Variants in C1orf94 observed in about 807,000 individuals in gnomAD.
The protein encoded by C1orf94 is uncharacterized protein C1orf94.
Under a neutral mutation model 53.6 loss-of-function variants are expected in C1orf94, and 45 were observed. The ratio of observed to expected loss-of-function variants is 0.84; its 90% CI spans 0.66 to 1.08. The LOEUF (loss-of-function observed/expected upper bound fraction) is 1.08. Among genes scored for constraint, C1orf94 ranks in the 50% least tolerant of loss-of-function variants. The probability of loss-of-function intolerance (pLI) is 0.00; values close to 1 mark genes in which losing one functional copy is unlikely to be tolerated. For synonymous variants in C1orf94, 304 were observed against 296.1 expected (o/e 1.03, Z -0.27); for missense variants, 762 against 738.9 (o/e 1.03, Z -0.36).
At chr1:34,208,595 A>G (rs979164607) in intron 5 of C1orf94, among the ~76,000 whole-genome samples, 4 of 152,216 alleles carry the variant, frequency 2.6e-5, no homozygotes, top group Non-Finnish European at 5.9e-5. Flanking sequence ...TTGGGAACAT[A>G]CAAATTAGGT....
chr1:34,168,110 G>A (rs975793537), intron 1 of C1orf94, among the ~76,000 whole-genome samples: 4 of 152,108 alleles, frequency 2.6e-5, no homozygotes, highest in Non-Finnish European at 5.9e-5. Context: ...GAGATGGTCT[G>A]AGAAGGCCTC....
chr1:34,174,315 G>T (rs1642189984), upstream of C1orf94, among the ~76,000 whole-genome samples: 1 of 152,216 alleles, frequency 6.6e-6, no homozygotes, highest in Non-Finnish European at 1.5e-5. Context: ...GTCAGTTGTT[G>T]TTCAAGGGAC....
At chr1:34,210,152 C>T (rs921220862) in intron 5 of C1orf94, among the ~76,000 whole-genome samples, 20 of 152,144 alleles carry the variant, frequency 1.3e-4, no homozygotes, top group Non-Finnish European at 2.6e-4. Context: ...ACTGTGTGAA[C>T]TCTAGGACCT....
At chr1:34,176,695 C>A (rs1642230708), upstream of C1orf94, among the ~76,000 whole-genome samples, 1 of 152,184 alleles carries the variant, frequency 6.6e-6, no homozygotes, top group Admixed American at 6.5e-5. Flanking sequence ...GCGCTTGGCA[C>A]AGGGCAAGCG....
In C1orf94 at chr1:34,197,990, C is replaced by A; in HGVS notation, c.1009+77C>A. The A allele has an allele frequency of 7.2e-7, 1 of 1,391,980 alleles. No homozygotes were observed. Among genetic ancestry groups the A allele is most frequent in the Non-Finnish European group, 9.7e-7 (1 of 1,026,108 alleles). The allele number at this position is 1,391,980 out of a possible 1,614,324, so 86.2% of individuals were successfully genotyped here. A position where few individuals can be genotyped will look rare whatever the true frequency, so the allele number is the denominator to read the frequency against. ...CCCAGGAAGCCAATCAGGGCTGCAG[C>A]ATGTACATAAAGCATCTTCATGCAA... is the stretch of plus-strand genomic sequence containing the variant. On this transcript the variant is annotated intron_variant, in intron 2 of 6. Coordinates refer to ENST00000488417, the MANE Select transcript of C1orf94 (RefSeq NM_001134734.2). This position sits in a 1 kb window ranked among gnomAD's most constrained non-coding sequence, Gnocchi z 4.1.
chr1:34,218,891 A>C lies in C1orf94; in HGVS notation c.*130A>C. ...CTGACCAGGTCACAGACAAAACAGC[A>C]AGACCAGATTCATCTATTGGCCAAC... is the stretch of plus-strand genomic sequence containing the variant. On this transcript the variant is annotated 3_prime_UTR_variant, in exon 7 of 7. Coordinates refer to ENST00000488417, the MANE Select transcript of C1orf94 (RefSeq NM_001134734.2). The C allele has an allele frequency of 1.5e-6, 1 of 661,514 alleles. No homozygotes were observed. The highest frequency in any genetic ancestry group is 2.9e-5 in the East Asian group (1 of 34,112). The allele number at this position is 661,514 out of a possible 1,614,324, so 41.0% of individuals were successfully genotyped here. A position where few individuals can be genotyped will look rare whatever the true frequency, so the allele number is the denominator to read the frequency against.
intron 1 of C1orf94, among the ~76,000 whole-genome samples, chr1:34,180,561 A>G (rs1035548345): frequency 1.3e-5 from 2 of 152,238 alleles, no homozygotes; most frequent in Admixed American, 6.5e-5. Flanking sequence ...AGAGTTTCAG[A>G]AATGAAACCC....
chr1:34,215,277 G>C (rs1361443309), intron 6 of C1orf94, among the ~76,000 whole-genome samples: 2 of 152,244 alleles, frequency 1.3e-5, no homozygotes, highest in East Asian at 1.9e-4. Flanking sequence ...AGCACAAACA[G>C]TGAGGGAGGG....
chr1:34,178,770 C>T (rs1049713407), intron 1 of C1orf94, among the ~76,000 whole-genome samples: 2 of 151,964 alleles, frequency 1.3e-5, no homozygotes, highest in East Asian at 1.9e-4. Context: ...GATGGATATT[C>T]GAAAGGAAAG....
Position 34,197,225 on chromosome 1 carries a change from A to G in C1orf94, c.321A>G (p.Glu107=). 1 of 1,516,688 alleles carries G rather than the reference A, an allele frequency of 6.6e-7. No homozygotes were observed. Among genetic ancestry groups the G allele is most frequent in the Non-Finnish European group, 8.9e-7 (1 of 1,127,668 alleles). 94.0% of individuals were successfully genotyped at this position (1,516,688 alleles called of 1,614,324 possible). The part of the protein sequence containing the change: ...LRGNELSFQE[E]ALELSSGKDE... ...GTCTGTCTCTCTGACCCATTTCCAGAGCTCTGGAGCTCAGCAGTGGCAAAG... is the reference window on the plus strand; with the variant it reads ...GTCTGTCTCTCTGACCCATTTCCAGGGCTCTGGAGCTCAGCAGTGGCAAAG... The change falls in exon 2 of 7, where the codon GAA becomes GAG. Residue 107 remains glutamate (E), a splice_region_variant and synonymous_variant. Transcript: ENST00000488417. The surrounding 1 kb of genome is among the most constrained non-coding windows in gnomAD (Gnocchi z 4.1).
chr1:34,215,520 A>G (rs551557683), intron 6 of C1orf94, among the ~76,000 whole-genome samples: 7 of 152,250 alleles, frequency 4.6e-5, no homozygotes, highest in African/African-American at 1.2e-4. Context: ...GTTGAGCAAG[A>G]GGCATTGGTG....
At chr1:34,196,396 C>T (rs1642580873) in intron 1 of C1orf94, among the ~76,000 whole-genome samples, 1 of 152,128 alleles carries the variant, frequency 6.6e-6, no homozygotes, top group East Asian at 1.9e-4. Flanking sequence ...GGGATCAGTG[C>T]AGGGATCTCC....
intron 1 of C1orf94, among the ~76,000 whole-genome samples, chr1:34,188,722 A>AGGGTGGAGGAG (rs1642427653): frequency 6.6e-6 from 1 of 151,982 alleles, no homozygotes; most frequent in Non-Finnish European, 1.5e-5. Flanking sequence ...TGCGGCCCGG[A>AGGGTGGAGGAG]GGGTGGAGGA....
At chr1:34,172,891 C>T (rs983735525), upstream of C1orf94, among the ~76,000 whole-genome samples, 14 of 152,198 alleles carry the variant, frequency 9.2e-5, no homozygotes, top group Non-Finnish European at 1.6e-4. Flanking sequence ...TGGGATACTC[C>T]TATGCATGGA....
intron 6 of C1orf94, among the ~76,000 whole-genome samples, chr1:34,213,082 C>T (rs1250451144): frequency 6.6e-6 from 1 of 152,204 alleles, no homozygotes; most frequent in African/African-American, 2.4e-5. Context: ...TTCATTCCCA[C>T]CCACCAAATC....
chr1:34,217,750 C>T (rs1037958919), intron 6 of C1orf94, among the ~76,000 whole-genome samples: 21 of 152,266 alleles, frequency 1.4e-4, no homozygotes, highest in African/African-American at 3.9e-4. Context: ...CCTCTGCTCC[C>T]GCTTTTTGTT....
intron 4 of C1orf94, 69 bp downstream of exon 4, chr1:34,202,328 G>T: frequency 6.6e-7 from 1 of 1,523,160 alleles, no homozygotes; most frequent in Non-Finnish European, 8.9e-7. Context: ...GGAGTGGCTG[G>T]CAGGGGGTCT....
intron 6 of C1orf94, among the ~76,000 whole-genome samples, chr1:34,217,499 G>A (rs761545796): frequency 2.6e-5 from 4 of 152,186 alleles, no homozygotes; most frequent in African/African-American, 9.7e-5. Flanking sequence ...TTCTGAAAGA[G>A]AGAAACAGAG....
chr1:34,174,402 C>T (rs1207568520), upstream of C1orf94, among the ~76,000 whole-genome samples: 3 of 152,210 alleles, frequency 2.0e-5, no homozygotes, highest in East Asian at 1.9e-4. Flanking sequence ...TCATTATCAT[C>T]CCATTTTACA....
Sources: gnomAD v4.1 joint callset for allele counts (sites outside exome capture counted in the v4.1 genomes callset) on GRCh38, gnomAD v4.1.1 for gene constraint, Gnocchi (gnomAD v3.1) non-coding constraint, MANE v1.5 for transcripts, NCBI Gene and HGNC (gene_info 2026-07-23, HGNC 2026-07-21) for gene names.